Variants in LMO7 observed in about 807,000 individuals in gnomAD.
The protein encoded by LMO7 is LIM domain 7.
LMO7 carries 120 observed loss-of-function variants against 206.5 expected under a neutral mutation model. That is an observed-to-expected ratio of 0.58 (90% CI 0.50 to 0.68). The LOEUF (loss-of-function observed/expected upper bound fraction) is 0.68, where lower values mean the gene tolerates loss of function less well. Ranked by LOEUF, LMO7 falls within the 30% of genes least tolerant of loss-of-function variation. The pLI is 0.00. For synonymous variants in LMO7, 706 were observed against 681.5 expected (o/e 1.04, Z -0.56); for missense variants, 1,959 against 1,957.9 (o/e 1.00, Z -0.01).
chr13:75,628,574 CCTT>C (rs1249575153), intron 2 of LMO7: 1 of 152,102 alleles, frequency 6.6e-6, no homozygotes, highest in East Asian at 1.9e-4. Context: ...ACCTTCTAGT[CCTT>C]CTTTGTGTTA....
At chr13:75,801,018 A>G in intron 7 of LMO7, 136 bp downstream of exon 7, 1 of 742,800 alleles carries the variant, frequency 1.3e-6, no homozygotes, top group Non-Finnish European at 2.3e-6. Flanking sequence ...ACTGGAGTAT[A>G]ATTGGGGGTT....
intron 1 of LMO7, among the ~76,000 whole-genome samples, chr13:75,711,296 G>A (rs182642248): frequency 2.2e-4 from 33 of 152,252 alleles, no homozygotes; most frequent in Admixed American, 1.6e-3. Context: ...TTTGGTATCA[G>A]GATGATGCTG....
intron 4 of LMO7, among the ~76,000 whole-genome samples, chr13:75,761,417 A>G (rs1474557170): frequency 2.0e-5 from 3 of 152,108 alleles, no homozygotes; most frequent in Admixed American, 6.6e-5. Context: ...ATATATTTGG[A>G]ATTAAGACAT....
chr13:75,656,058 C>T (rs1043667485), intron 1 of LMO7, among the ~76,000 whole-genome samples: 1 of 152,152 alleles, frequency 6.6e-6, no homozygotes, highest in Non-Finnish European at 1.5e-5. Flanking sequence ...TCTACCTCCT[C>T]TCATCCTGGA....
chr13:75,711,516 C>A (rs370230428), intron 1 of LMO7, among the ~76,000 whole-genome samples: 2 of 152,176 alleles, frequency 1.3e-5, no homozygotes, highest in Admixed American at 1.3e-4. Flanking sequence ...TGCCGTCTGT[C>A]ACCCCTGTCT....
At chr13:75,687,060 G>A (rs11841544) in intron 1 of LMO7, among the ~76,000 whole-genome samples, 14,361 of 152,176 alleles carry the variant, frequency 0.094, 759 homozygotes, top group Middle Eastern at 0.11. Context: ...GAATGTTGGG[G>A]AGATACATTC....
chr13:75,633,347 A>G (rs918603321), upstream of LMO7, among the ~76,000 whole-genome samples: 2 of 152,176 alleles, frequency 1.3e-5, no homozygotes, highest in African/African-American at 4.8e-5. Context: ...CAGCTTTTCT[A>G]AACGGACCCA....
At chr13:75,656,577 T>C (rs774732315) in intron 1 of LMO7, among the ~76,000 whole-genome samples, 17 of 152,220 alleles carry the variant, frequency 1.1e-4, no homozygotes, top group Non-Finnish European at 2.2e-4. Context: ...TTTAGTATGC[T>C]AAAGGGTTGT....
chr13:75,809,148 T>C lies in LMO7; in HGVS notation c.1917-6T>C. The C allele has an allele frequency of 1.2e-6, 2 of 1,610,912 alleles. No homozygotes were observed. The highest frequency in any genetic ancestry group is 2.7e-5 in the African/African-American group (2 of 74,974). ...CTTTTTAATTTTTGGTTTTCTGGTT[T>C]CTTAGACTCTTTCAAAAGATTTATG... is the stretch of plus-strand genomic sequence containing the variant. On this transcript the variant is annotated splice_polypyrimidine_tract_variant and splice_region_variant and intron_variant, in intron 10 of 30. Transcript: ENST00000377534.
chr13:75,762,759 G>A (rs966011127), intron 4 of LMO7, among the ~76,000 whole-genome samples: 1 of 152,160 alleles, frequency 6.6e-6, no homozygotes, highest in Non-Finnish European at 1.5e-5. Context: ...TGCCTAAGTA[G>A]TACCTGTGAG....
chr13:75,719,627 G>A (rs903293076), intron 2 of LMO7, among the ~76,000 whole-genome samples: 5 of 152,056 alleles, frequency 3.3e-5, no homozygotes, highest in Admixed American at 1.3e-4. Flanking sequence ...TCTCTGCCAC[G>A]GTAGGACCCG....
intron 25 of LMO7, among the ~76,000 whole-genome samples, chr13:75,843,852 A>G (rs1412083422): frequency 6.6e-6 from 1 of 152,166 alleles, no homozygotes; most frequent in African/African-American, 2.4e-5. Flanking sequence ...ATAAGGAAAG[A>G]CTTGTATCTA....
chr13:75,818,996 A>G (rs536714788), intron 12 of LMO7, among the ~76,000 whole-genome samples: 47 of 152,298 alleles, frequency 3.1e-4, no homozygotes, highest in African/African-American at 1.1e-3. Flanking sequence ...AACCATCACA[A>G]TCGTGTTTCT....
At chr13:75,706,935 G>T (rs2042702131) in intron 1 of LMO7, among the ~76,000 whole-genome samples, 1 of 151,898 alleles carries the variant, frequency 6.6e-6, no homozygotes, top group Admixed American at 6.6e-5. Context: ...TCTGAGCCTC[G>T]AATTTCATAC....
Position 75,786,121 on chromosome 13 carries a change from G to C in LMO7, c.318-9280G>C, listed in dbSNP as rs77275592. On this transcript the variant is annotated intron_variant, in intron 4 of 30. Transcript: ENST00000377534. ...TCACCCCTCATCTGCTCCACCTCTC[G>C]ATAGTACTGTTGGCTCTGCCTAATC... Among the ~76,000 whole-genome samples, 118 of 152,244 alleles carry C rather than the reference G, an allele frequency of 7.8e-4. 1 individual carries two copies. The highest frequency in any genetic ancestry group is 1.5e-3 in the Non-Finnish European group (100 of 68,022).
chr13:75,682,009 G>C (rs890003297), intron 1 of LMO7, among the ~76,000 whole-genome samples: 2 of 151,880 alleles, frequency 1.3e-5, no homozygotes, highest in African/African-American at 4.8e-5. Context: ...TGAAGAGTGG[G>C]ATTGATGGGG....
chr13:75,838,380 A>G (rs1410143001), intron 20 of LMO7, 184 bp downstream of exon 20: 5 of 1,463,786 alleles, frequency 3.4e-6, no homozygotes, highest in Non-Finnish European at 4.5e-6. Flanking sequence ...TCATGGGTCT[A>G]CCTCTGTGGT....
At chr13:75,737,262 C>T (rs547979837) in intron 3 of LMO7, among the ~76,000 whole-genome samples, 1 of 152,202 alleles carries the variant, frequency 6.6e-6, no homozygotes, top group South Asian at 2.1e-4. Flanking sequence ...CCTGCGATTG[C>T]TGGCAAATCA....
chr13:75,660,377 A>T (rs1385746742), intron 1 of LMO7, among the ~76,000 whole-genome samples: 1 of 152,234 alleles, frequency 6.6e-6, no homozygotes, highest in Non-Finnish European at 1.5e-5. Flanking sequence ...GGGTATATTT[A>T]TCTAAGTGAT....
Sources: allele counts gnomAD v4.1 joint callset (sites outside exome capture counted in the v4.1 genomes callset), GRCh38; gene constraint gnomAD v4.1.1; transcripts MANE v1.5; gene names NCBI Gene and HGNC (gene_info 2026-07-23, HGNC 2026-07-21).